The following HS6ST2 variants were observed in gnomAD, a reference collection of about 807,000 sequenced individuals.
HS6ST2 encodes heparan sulfate 6-O-sulfotransferase 2, also known as heparan-sulfate 6-O-sulfotransferase 2.
In HS6ST2, 17 loss-of-function variants were observed where a neutral mutation model predicts 33.0. The ratio of observed to expected loss-of-function variants is 0.52; its 90% CI spans 0.35 to 0.77. The LOEUF is 0.77. Ranked by LOEUF, HS6ST2 falls within the 30% of genes least tolerant of loss-of-function variation. HS6ST2 has a pLI of 0.01. For synonymous variants in HS6ST2, 248 were observed against 237.1 expected (o/e 1.05, Z -0.42); for missense variants, 519 against 551.7 (o/e 0.94, Z 0.59).
intron 2 of HS6ST2, among the ~76,000 whole-genome samples, chrX:132,915,085 G>A (rs6638037): frequency 0.36 from 40,331 of 111,343 alleles, 6,170 homozygotes; most frequent in Middle Eastern, 0.52. Context: ...CAAAGCAGCA[G>A]CTAATCCCCA....
intron 2 of HS6ST2, among the ~76,000 whole-genome samples, chrX:132,727,989 G>A (rs1485849225): frequency 8.9e-6 from 1 of 111,865 alleles, no homozygotes; most frequent in Non-Finnish European, 1.9e-5. Context: ...CTTTTTTACA[G>A]CTAAACAATA....
In HS6ST2 at chrX:132,701,943, A is replaced by G. The variant is rs571936771; in HGVS notation, c.980+6519T>C. Among the ~76,000 whole-genome samples the G allele has an allele frequency of 5.9e-4, 66 of 112,506 alleles. 1 individual carries two copies. The South Asian group carries it at 0.023, about 39-fold the overall frequency. On this transcript the variant is annotated intron_variant, in intron 3 of 4. Coordinates refer to ENST00000370833, the MANE Select transcript of HS6ST2 (RefSeq NM_001394073.1). ...TCAGATATTCACATTTAAGAAACTG[A>G]CAATTGAATCTGCTGTGCTGAATTG...
chrX:132,674,229 T>C (rs1218361118), intron 3 of HS6ST2, among the ~76,000 whole-genome samples: 1 of 111,991 alleles, frequency 8.9e-6, no homozygotes. Flanking sequence ...CTCATTTTTA[T>C]TGCTATGAAG....
intron 2 of HS6ST2, among the ~76,000 whole-genome samples, chrX:132,737,534 G>A (rs1444152358): frequency 9.0e-6 from 1 of 111,461 alleles, no homozygotes; most frequent in African/African-American, 3.3e-5. Context: ...CAACACGGTG[G>A]GGAGAGATGG....
chrX:132,664,359 C>A (rs1440756018), intron 4 of HS6ST2, among the ~76,000 whole-genome samples: 1 of 112,069 alleles, frequency 8.9e-6, no homozygotes, highest in Non-Finnish European at 1.9e-5. Context: ...CTCCTGCCAG[C>A]CAAAAGCAAA....
chrX:132,757,980 G>A lies in HS6ST2; in HGVS notation c.948-49486C>T, dbSNP rs142759424. Reference sequence around the variant, plus strand: ...AAATCTCCTACCGAGTGAATAGGAGGCAAAATTCATTCTTCCCAAATTTGA... The same window carrying A: ...AAATCTCCTACCGAGTGAATAGGAGACAAAATTCATTCTTCCCAAATTTGA... On this transcript the variant is annotated intron_variant, in intron 2 of 4. Coordinates refer to ENST00000370833, the MANE Select transcript of HS6ST2 (RefSeq NM_001394073.1). 9.1e-3 allele frequency among the ~76,000 whole-genome samples: 1,016 copies of A among 111,952 alleles called. 18 individuals are homozygous for A. Among genetic ancestry groups the A allele is most frequent in the African/African-American group, 0.031 (961 of 30,826 alleles).
chrX:132,752,124 G>A (rs1313690856), intron 2 of HS6ST2, among the ~76,000 whole-genome samples: 2 of 111,374 alleles, frequency 1.8e-5, no homozygotes, highest in East Asian at 5.7e-4. Flanking sequence ...AAAGTCTCTG[G>A]CATTCACTCT....
At chrX:132,757,745 A>C (rs998505574) in intron 2 of HS6ST2, among the ~76,000 whole-genome samples, 3 of 112,086 alleles carry the variant, frequency 2.7e-5, no homozygotes, top group Non-Finnish European at 5.6e-5. Flanking sequence ...TTAGACAAAC[A>C]CAGGCCAGGG....
chrX:132,685,046 C>T (rs1489393207), intron 3 of HS6ST2, among the ~76,000 whole-genome samples: 1 of 111,490 alleles, frequency 9.0e-6, no homozygotes, highest in Non-Finnish European at 1.9e-5. Context: ...CCGAGGAGCA[C>T]AGTAAAGAAG....
intron 2 of HS6ST2, among the ~76,000 whole-genome samples, chrX:132,776,650 C>T (rs958597637): frequency 9.0e-6 from 1 of 110,847 alleles, no homozygotes; most frequent in African/African-American, 3.3e-5. Context: ...CCCCTGCATC[C>T]TGCCGCTCTT....
At chrX:132,896,522 G>C (rs770375956) in intron 2 of HS6ST2, among the ~76,000 whole-genome samples, 1 of 109,424 alleles carries the variant, frequency 9.1e-6, no homozygotes, top group African/African-American at 3.3e-5. Context: ...AGCACAATAA[G>C]GTGACTAGAG....
At chrX:132,941,869 C>G (rs1482371059) in intron 2 of HS6ST2, among the ~76,000 whole-genome samples, 1 of 111,147 alleles carries the variant, frequency 9.0e-6, no homozygotes, top group Non-Finnish European at 1.9e-5. Context: ...AGATCCTTAC[C>G]TAAAAGCAGA....
intron 2 of HS6ST2, among the ~76,000 whole-genome samples, chrX:132,720,279 C>T (rs1156910186): frequency 8.9e-6 from 1 of 111,899 alleles, no homozygotes; most frequent in Non-Finnish European, 1.9e-5. Context: ...AAAATGTGGA[C>T]ACCCCATATA....
chrX:132,656,233 T>C (rs935007882), intron 4 of HS6ST2, among the ~76,000 whole-genome samples: 4 of 111,065 alleles, frequency 3.6e-5, no homozygotes, highest in African/African-American at 9.8e-5. Context: ...AGCATTTCTT[T>C]TTTTCTTCTT....
intron 2 of HS6ST2, among the ~76,000 whole-genome samples, chrX:132,932,139 T>A (rs1389336876): frequency 2.9e-5 from 3 of 104,860 alleles, no homozygotes; most frequent in African/African-American, 1.1e-4. Context: ...TGAACCGAGA[T>A]TGCGCCACTG....
intron 2 of HS6ST2, among the ~76,000 whole-genome samples, chrX:132,845,091 T>G (rs1485462531): frequency 9.2e-6 from 1 of 108,252 alleles, no homozygotes; most frequent in Non-Finnish European, 1.9e-5. Context: ...AGTTATAATA[T>G]CTAATTATTA....
At chrX:132,753,192 G>A (rs1351383922) in intron 2 of HS6ST2, among the ~76,000 whole-genome samples, 1 of 112,149 alleles carries the variant, frequency 8.9e-6, no homozygotes, top group Non-Finnish European at 1.9e-5. Context: ...CTGTACAACT[G>A]CAACTTTGGG....
intron 2 of HS6ST2, among the ~76,000 whole-genome samples, chrX:132,790,999 T>C (rs2065115999): frequency 9.1e-6 from 1 of 110,003 alleles, no homozygotes; most frequent in African/African-American, 3.3e-5. Flanking sequence ...TTTTTTTAAT[T>C]AGCCAAATGT....
intron 2 of HS6ST2, among the ~76,000 whole-genome samples, chrX:132,804,089 A>G (rs1184072528): frequency 8.9e-6 from 1 of 112,291 alleles, no homozygotes; most frequent in Non-Finnish European, 1.9e-5. Context: ...CTGAACTAAA[A>G]TAATTGGCTT....
Sources: gnomAD v4.1 joint callset for allele counts (sites outside exome capture counted in the v4.1 genomes callset) on GRCh38, gnomAD v4.1.1 for gene constraint, MANE v1.5 for transcripts, NCBI Gene and HGNC (gene_info 2026-07-23, HGNC 2026-07-21) for gene names.